BDP1: variants seen among roughly 807,000 people sequenced by gnomAD.
BDP1 encodes the protein BDP1 general transcription factor IIIB subunit.
Under a neutral mutation model 266.6 loss-of-function variants are expected in BDP1, and 169 were observed. The ratio of observed to expected loss-of-function variants is 0.63; its 90% CI spans 0.56 to 0.72. The LOEUF (loss-of-function observed/expected upper bound fraction) is 0.72. BDP1 is among the 30% of genes least tolerant of loss of function. BDP1 has a pLI of 0.00. For missense variants in BDP1, 3,015 were observed against 3,053.8 expected, an observed-to-expected ratio of 0.99 and a Z score of 0.30; for synonymous variants, 1,090 against 1,022.4, an observed-to-expected ratio of 1.07 and a Z score of -1.26.
intron 13 of BDP1, among the ~76,000 whole-genome samples, chr5:71,499,160 C>T (rs1035300182): frequency 5.3e-5 from 8 of 152,240 alleles, no homozygotes; most frequent in African/African-American, 1.2e-4. Flanking sequence ...GGTGCGATGG[C>T]GTGATCTCGG....
At chr5:71,490,908 A>T in intron 10 of BDP1, 76 bp from the exon 11 acceptor site, 1 of 1,442,988 alleles carries the variant, frequency 6.9e-7, no homozygotes, top group Non-Finnish European at 9.3e-7. Context: ...AGAGTGTTAT[A>T]GGTAAATTCC....
chr5:71,491,034 G>A lies in BDP1; in HGVS notation c.1543G>A (p.Glu515Lys), dbSNP rs773197837. The change falls in exon 11 of 39, where the codon GAG (glutamate) becomes AAG (lysine). Residue 515 changes from glutamate (E) to lysine (K), a missense_variant. Glu to Lys is a moderately conservative substitution (Grantham distance 56, BLOSUM62 1). Coordinates refer to ENST00000358731, the MANE Select transcript of BDP1 (RefSeq NM_018429.3). ...PELKEGECSKEQMLSCTQNID... is the reference protein window; with the variant it reads ...PELKEGECSKKQMLSCTQNID... ...GCTAAAGGAAGGTGAATGCAGTAAG[G>A]AGCAGATGCTTTCCTGCACACAAAA... 4 of 1,614,018 alleles carry A rather than the reference G, an allele frequency of 2.5e-6. No individual in the cohort carries two copies. Among genetic ancestry groups the A allele is most frequent in the South Asian group, 1.1e-5 (1 of 91,048 alleles).
chr5:71,544,559 C>G (rs1282077870), intron 31 of BDP1, 52 bp downstream of exon 31: 6 of 1,551,454 alleles, frequency 3.9e-6, no homozygotes, highest in Non-Finnish European at 5.2e-6. Flanking sequence ...TCAGCTATAG[C>G]CTTAAGTTGT....
In BDP1 at chr5:71,467,424, G is replaced by A. The variant is rs1761971309; in HGVS notation, c.856G>A (p.Gly286Ser). Residue 286 changes from glycine to serine, a missense_variant, in exon 6 of 39, where the codon GGT becomes AGT. By Grantham distance (56) the Gly-to-Ser change is moderately conservative. Coordinates refer to ENST00000358731, the MANE Select transcript of BDP1 (RefSeq NM_018429.3). ...VEENDPIFER[G>S]STTTYSSFRK... Reference sequence around the variant, plus strand: ...AGAAAATGACCCCATATTTGAGCGCGGTTCTACAACTACATACTCCAGCTT... The same window carrying A: ...AGAAAATGACCCCATATTTGAGCGCAGTTCTACAACTACATACTCCAGCTT... The A allele has an allele frequency of 1.2e-6, 2 of 1,610,236 alleles. No individual in the cohort carries two copies. Among genetic ancestry groups the A allele is most frequent in the South Asian group, 1.1e-5 (1 of 90,940 alleles).
At position 71,560,131 on chromosome 5, in the gene BDP1, C is replaced by T; in HGVS notation, c.7390C>T (p.Pro2464Ser). The change falls in exon 37 of 39, where the codon CCT becomes TCT. Residue 2464 changes from proline (P) to serine (S), a missense_variant. This residue lies in a region of BDP1 where 629 missense variants were observed against 632.5 expected (regional missense o/e 0.99). Coordinates refer to ENST00000358731, the MANE Select transcript of BDP1 (RefSeq NM_018429.3). ...ACMDKNVPQL[P>S]QDEMIVSDKE... ...CATGGACAAGAATGTGCCTCAGTTACCTCAGGATGAAATGATTGTGTCTGA... is the reference window on the plus strand; with the variant it reads ...CATGGACAAGAATGTGCCTCAGTTATCTCAGGATGAAATGATTGTGTCTGA... 1.9e-6 allele frequency: 3 copies of T among 1,614,088 alleles called. No individual in the cohort carries two copies. The Admixed American group carries it at 5.0e-5, about 27-fold the overall frequency.
chr5:71,514,896 C>T, intron 19 of BDP1, 48 bp from the exon 20 acceptor site: 2 of 1,345,510 alleles, frequency 1.5e-6, no homozygotes, highest in Non-Finnish European at 2.1e-6. Flanking sequence ...GTTCTTATTT[C>T]CTTATACTTT....
Position 71,510,678 on chromosome 5 carries a change from A to G in BDP1, c.3586A>G (p.Ile1196Val). The G allele has an allele frequency of 1.9e-6, 3 of 1,613,404 alleles. No individual in the cohort carries two copies. Among genetic ancestry groups the G allele is most frequent in the African/African-American group, 1.3e-5 (1 of 74,974 alleles). The change falls in exon 17 of 39, where the codon ATA (isoleucine) becomes GTA (valine). Residue 1196 changes from isoleucine (I) to valine (V), a missense_variant. Physicochemically the swap from Ile to Val is conservative, Grantham distance 29. Coordinates refer to ENST00000358731, the MANE Select transcript of BDP1 (RefSeq NM_018429.3). ...AGAGGTGATTGATGCTGCTGAGGTAATAGAGACAGATTTGGAAGAAACTGA... is the reference window on the plus strand; with the variant it reads ...AGAGGTGATTGATGCTGCTGAGGTAGTAGAGACAGATTTGGAAGAAACTGA... ...TREVIDAAEV[I>V]ETDLEETERE...
chr5:71,463,634 C>T (rs925123900), intron 3 of BDP1, among the ~76,000 whole-genome samples: 5 of 151,930 alleles, frequency 3.3e-5, no homozygotes, highest in Admixed American at 6.6e-5. Context: ...CCAGCCTGGG[C>T]GATATGGTGA....
At chr5:71,549,322 G>A in intron 33 of BDP1, 98 bp from the exon 34 acceptor site, 1 of 992,266 alleles carries the variant, frequency 1.0e-6, no homozygotes, top group South Asian at 1.8e-5. Flanking sequence ...TTGATGATAA[G>A]TTGTCCTGAG....
chr5:71,540,254 G>C (rs1427035579), intron 28 of BDP1, among the ~76,000 whole-genome samples: 1 of 147,078 alleles, frequency 6.8e-6, no homozygotes, highest in Non-Finnish European at 1.5e-5. Context: ...TAATTATTTT[G>C]CCTGGTTACC....
chr5:71,502,783 G>C lies in BDP1; in HGVS notation c.2233G>C (p.Asp745His), dbSNP rs774603776. ...GAAGAATGAAAATGAATCCTGTGCT[G>C]ATAGAGATGTAAGTACTCTGATTCC... ...VEKNENESCA[D>H]RDTPQHMEDQ... The change falls in exon 15 of 39, where the codon GAT becomes CAT. Residue 745 changes from aspartate (D) to histidine (H), a missense_variant. By Grantham distance (81) the Asp-to-His change is moderately conservative. This residue lies in a region of BDP1 where 2,383 missense variants were observed against 2,404.9 expected (regional missense o/e 0.99). Transcript: ENST00000358731. 3.3e-5 allele frequency: 53 copies of C among 1,612,318 alleles called. No individual in the cohort carries two copies. The South Asian group carries it at 5.7e-4, about 17-fold the overall frequency.
intron 36 of BDP1, 105 bp from the exon 37 acceptor site, chr5:71,559,877 G>A (rs999155603): frequency 8.9e-7 from 1 of 1,122,160 alleles, no homozygotes. Context: ...CTCTTATTAG[G>A]GTAGGTTTAT....
intron 4 of BDP1, 140 bp from the exon 5 acceptor site, chr5:71,465,956 C>A (rs773347025): frequency 6.4e-5 from 53 of 823,658 alleles, no homozygotes; most frequent in Non-Finnish European, 9.5e-5. Flanking sequence ...TCCTTAATAA[C>A]ACATACTGTT....
chr5:71,462,983 A>G (rs1037114463), intron 3 of BDP1, among the ~76,000 whole-genome samples: 2 of 151,952 alleles, frequency 1.3e-5, no homozygotes, highest in Non-Finnish European at 2.9e-5. Context: ...AAATACAAAA[A>G]TTACCTGGGC....
the BDP1 span, among the ~76,000 whole-genome samples, chr5:71,574,401 A>T: frequency 3.3e-5 from 5 of 152,172 alleles, no homozygotes; most frequent in African/African-American, 1.2e-4. Context: ...GGGCCTCTCA[A>T]ACAATGAGGG....
chr5:71,570,738 A>G (rs553914489), downstream of BDP1, among the ~76,000 whole-genome samples: 2 of 152,308 alleles, frequency 1.3e-5, no homozygotes, highest in East Asian at 1.9e-4. Context: ...CCTTGGCAGT[A>G]CCTCTCACCA....
At chr5:71,468,610 T>TA (rs1762049892) in intron 6 of BDP1, among the ~76,000 whole-genome samples, 2 of 149,792 alleles carry the variant, frequency 1.3e-5, no homozygotes, top group Admixed American at 1.3e-4. Context: ...ATATTTCCTT[T>TA]TTTTTTTTTT....
intron 37 of BDP1, 48 bp from the exon 38 acceptor site, chr5:71,562,226 A>AAAAT: frequency 1.0e-6 from 1 of 981,796 alleles, no homozygotes; most frequent in Non-Finnish European, 1.5e-6. Flanking sequence ...AAAAAAAAGA[A>AAAAT]TGTGTCTTCC....
At chr5:71,515,592 T>C (rs1765175111) in intron 20 of BDP1, among the ~76,000 whole-genome samples, 1 of 152,194 alleles carries the variant, frequency 6.6e-6, no homozygotes, top group African/African-American at 2.4e-5. Context: ...AGCTTATATG[T>C]ATATAAGCTA....
Sources: allele counts gnomAD v4.1 joint callset (sites outside exome capture counted in the v4.1 genomes callset), GRCh38; gene constraint gnomAD v4.1.1; regional missense constraint gnomAD v4.1.1; transcripts MANE v1.5; gene names NCBI Gene and HGNC (gene_info 2026-07-23, HGNC 2026-07-21).